The following LAMA1 variants were observed in gnomAD, a reference collection of about 807,000 sequenced individuals.
LAMA1 encodes the protein laminin subunit alpha 1.
A neutral mutation model predicts 348.7 loss-of-function variants in LAMA1; 219 were observed. The ratio of observed to expected loss-of-function variants is 0.63; its 90% CI spans 0.56 to 0.70. The LOEUF (loss-of-function observed/expected upper bound fraction) is 0.70. Among genes scored for constraint, LAMA1 ranks in the 30% least tolerant of loss-of-function variants. The pLI is 0.00. For synonymous variants in LAMA1, 1,487 were observed against 1,491.0 expected (o/e 1.00, Z 0.06); for missense variants, 3,744 against 3,888.0 (o/e 0.96, Z 0.99).
intron 60 of LAMA1, among the ~76,000 whole-genome samples, chr18:6,947,573 C>T (rs776359826): frequency 6.6e-6 from 1 of 152,186 alleles, no homozygotes; most frequent in African/African-American, 2.4e-5. Flanking sequence ...CCCTGCCTCA[C>T]CCTGTGGACA....
intron 35 of LAMA1, among the ~76,000 whole-genome samples, chr18:6,992,998 T>C (rs1206611515): frequency 6.6e-6 from 1 of 152,238 alleles, no homozygotes; most frequent in African/African-American, 2.4e-5. Flanking sequence ...CATTTCCTTG[T>C]ACCTGGCAGA....
chr18:7,090,076 T>G (rs1460566865), intron 1 of LAMA1, among the ~76,000 whole-genome samples: 1 of 152,180 alleles, frequency 6.6e-6, no homozygotes, highest in African/African-American at 2.4e-5. Context: ...AATAAGTGCT[T>G]CCTTATTCCC....
intron 7 of LAMA1, 37 bp from the exon 8 acceptor site, chr18:7,043,442 T>C (rs769585766): frequency 5.8e-6 from 9 of 1,552,766 alleles, no homozygotes; most frequent in Non-Finnish European, 4.4e-6. Context: ...TTAATTTACA[T>C]AGCATGCCTT....
chr18:6,986,277 T>C lies in LAMA1; in HGVS notation c.5239A>G (p.Lys1747Glu), dbSNP rs978446951. 6.2e-7 allele frequency: 1 copy of C among 1,614,226 alleles called. No homozygotes were observed. Among genetic ancestry groups the C allele is most frequent in the Non-Finnish European group, 8.5e-7 (1 of 1,180,048 alleles). The change falls in exon 37 of 63, where the codon AAA becomes GAA. Residue 1747 changes from lysine (K) to glutamate (E), a missense_variant. Lys to Glu is a moderately conservative substitution (Grantham distance 56, BLOSUM62 1). Coordinates refer to ENST00000389658, the MANE Select transcript of LAMA1 (RefSeq NM_005559.4). ...QKPLEELEVL[K>E]EAASHVLSKH... Reference sequence around the variant, plus strand: ...GAAAGGACGTGGCTTGCTGCTTCTTTCAATACCTCCAATTCTTCCAGCGGC... The same window carrying C: ...GAAAGGACGTGGCTTGCTGCTTCTTCCAATACCTCCAATTCTTCCAGCGGC...
intron 16 of LAMA1, among the ~76,000 whole-genome samples, chr18:7,028,574 C>G (rs2057954617): frequency 6.6e-6 from 1 of 152,176 alleles, no homozygotes; most frequent in African/African-American, 2.4e-5. Context: ...GAGAATCTGT[C>G]AACCAGCAGA....
At chr18:7,047,296 G>C (rs1053372813) in intron 5 of LAMA1, among the ~76,000 whole-genome samples, 18 of 152,138 alleles carry the variant, frequency 1.2e-4, no homozygotes, top group Non-Finnish European at 2.5e-4. Flanking sequence ...ACCCGCCTCA[G>C]CCTCCCAAAG....
intron 56 of LAMA1, 53 bp from the exon 57 acceptor site, chr18:6,955,518 T>C (rs1164135724): frequency 7.5e-7 from 1 of 1,326,128 alleles, no homozygotes; most frequent in Non-Finnish European, 1.1e-6. Context: ...CGAACCCCAC[T>C]GACACACGCG....
chr18:7,056,952 A>G (rs1598300106), intron 3 of LAMA1, among the ~76,000 whole-genome samples: 2 of 151,444 alleles, frequency 1.3e-5, no homozygotes, highest in African/African-American at 4.9e-5. Context: ...GCTCACTGCA[A>G]CCTCCGCCTC....
chr18:7,095,906 A>G (rs913075868), intron 1 of LAMA1, among the ~76,000 whole-genome samples: 39 of 152,306 alleles, frequency 2.6e-4, no homozygotes, highest in Admixed American at 1.0e-3. Context: ...GTCTCTACTA[A>G]AAATACAAAA....
At chr18:6,956,599 A>G (rs566621065) in intron 56 of LAMA1, 37 bp downstream of exon 56, 1 of 1,613,512 alleles carries the variant, frequency 6.2e-7, no homozygotes, top group South Asian at 1.1e-5. Flanking sequence ...TCCTTTGCTG[A>G]CTGGACCTGA....
At chr18:7,049,642 C>G (rs927291981) in intron 4 of LAMA1, among the ~76,000 whole-genome samples, 7 of 152,138 alleles carry the variant, frequency 4.6e-5, no homozygotes, top group African/African-American at 1.7e-4. Flanking sequence ...CCCTGATTGT[C>G]TAATGTCAGG....
intron 34 of LAMA1, among the ~76,000 whole-genome samples, chr18:6,993,986 G>C (rs1022828198): frequency 9.9e-5 from 15 of 152,266 alleles, no homozygotes; most frequent in Admixed American, 3.9e-4. Flanking sequence ...GAAAAGATGG[G>C]TATGTTTTTA....
rs202107482 is a variant in LAMA1, at chr18:6,943,344, G to A, written c.8903C>T (p.Thr2968Ile). 1,409 of 1,614,160 alleles carry A rather than the reference G, an allele frequency of 8.7e-4. 14 individuals are homozygous for A. The African/African-American group carries it at 0.017, about 19-fold the overall frequency. The change falls in exon 62 of 63, where the codon ACC becomes ATC. Residue 2968 changes from threonine (T) to isoleucine (I), a missense_variant. Around this residue, in one of 3 missense-constraint regions of LAMA1, gnomAD observed 232 missense variants for 264.4 expected, o/e 0.88. Coordinates refer to ENST00000389658, the MANE Select transcript of LAMA1 (RefSeq NM_005559.4). ...GRITAAYEPK[T>I]ATVLCDGKWH... ...TTTTCCATCACAGAGCACAGTGGCGGTTTTGGGCTCATATGCAGCTGTTAT... is the reference window on the plus strand; with the variant it reads ...TTTTCCATCACAGAGCACAGTGGCGATTTTGGGCTCATATGCAGCTGTTAT...
At position 7,018,083 on chromosome 18, in the gene LAMA1, C is replaced by A. The variant is rs527714225; in HGVS notation, c.2702-699G>T. Among the ~76,000 whole-genome samples, 4 of 152,116 alleles carry A rather than the reference C, an allele frequency of 2.6e-5. No homozygotes were observed. The East Asian group carries it at 7.8e-4, about 30-fold the overall frequency. The stretch of plus-strand genomic sequence containing the variant: ...GTGCGCAGTGGCTCATGCCTGTAAT[C>A]CCAGCACTTTGGGAGGACAAGGAAG... On this transcript the variant is annotated intron_variant, in intron 19 of 62. Transcript: ENST00000389658.
intron 3 of LAMA1, among the ~76,000 whole-genome samples, chr18:7,055,453 C>CAAA (rs57670126): frequency 3.2e-5 from 2 of 61,740 alleles, no homozygotes; most frequent in African/African-American, 5.7e-5. Flanking sequence ...AACTCCGTCT[C>CAAA]AAAAAAAAAA....
chr18:6,952,025 C>T (rs1269653361), intron 57 of LAMA1, among the ~76,000 whole-genome samples: 1 of 152,064 alleles, frequency 6.6e-6, no homozygotes, highest in Non-Finnish European at 1.5e-5. Context: ...AGTCCACATG[C>T]AGATCTCGAG....
intron 11 of LAMA1, 26 bp downstream of exon 11, chr18:7,038,784 C>CCCG (rs143672767): frequency 0.25 from 401,621 of 1,612,754 alleles, 52,944 homozygotes; most frequent in Non-Finnish European, 0.27. Context: ...CTCATTAAAT[C>CCCG]CCGCCGCGCA....
chr18:7,104,913 C>T (rs1010948975), intron 1 of LAMA1, among the ~76,000 whole-genome samples: 3 of 152,138 alleles, frequency 2.0e-5, no homozygotes, highest in Admixed American at 6.5e-5. Context: ...GGGTTCAGTG[C>T]GATACCTCCC....
At chr18:7,114,253 C>T (rs2058347505) in intron 1 of LAMA1, among the ~76,000 whole-genome samples, 1 of 152,138 alleles carries the variant, frequency 6.6e-6, no homozygotes, top group Middle Eastern at 3.2e-3. Flanking sequence ...ACCTATGACA[C>T]ACCCTACACT....
Sources: allele counts gnomAD v4.1 joint callset (sites outside exome capture counted in the v4.1 genomes callset), GRCh38; gene constraint gnomAD v4.1.1; regional missense constraint gnomAD v4.1.1; transcripts MANE v1.5; gene names NCBI Gene and HGNC (gene_info 2026-07-23, HGNC 2026-07-21).